MAML3: variants seen among roughly 807,000 people sequenced by gnomAD.
The protein encoded by MAML3 is mastermind like transcriptional coactivator 3.
MAML3 carries 27 observed loss-of-function variants against 101.9 expected under a neutral mutation model. The ratio of observed to expected loss-of-function variants is 0.27; its 90% confidence interval spans 0.20 to 0.37. The LOEUF is 0.37. Ranked by LOEUF, MAML3 falls within the 10% of genes least tolerant of loss-of-function variation. The pLI, the probability that MAML3 is intolerant of heterozygous loss-of-function variation, is 1.00. For missense variants in MAML3, 1,316 were observed against 1,444.9 expected (o/e 0.91, Z 1.45); for synonymous variants, 501 against 555.9 (o/e 0.90, Z 1.39).
At chr4:140,041,565 G>A (rs1727087380) in intron 1 of MAML3, among the ~76,000 whole-genome samples, 1 of 152,146 alleles carries the variant, frequency 6.6e-6, no homozygotes, top group South Asian at 2.1e-4. Context: ...AGGTTGCAGT[G>A]AGCCGAGATC....
rs72712524 is a variant in MAML3, at chr4:139,912,199, G to A, written c.469-21232C>T. On this transcript the variant is annotated intron_variant, in intron 1 of 4. Transcript: ENST00000509479. Reference sequence around the variant, plus strand: ...GCTTGTTTTTGAGACAATGAGGAAGGGCATATCAATGCCATCAGAAGAGTG... The same window carrying A: ...GCTTGTTTTTGAGACAATGAGGAAGAGCATATCAATGCCATCAGAAGAGTG... 5.9e-5 allele frequency among the ~76,000 whole-genome samples: 9 copies of A among 152,192 alleles called. No homozygotes were observed. The East Asian group carries it at 1.4e-3, about 23-fold the overall frequency.
intron 1 of MAML3, among the ~76,000 whole-genome samples, chr4:140,040,920 A>G (rs1727075960): frequency 6.6e-6 from 1 of 152,130 alleles, no homozygotes. Context: ...CCCTGAGAGA[A>G]CAGAACTACA....
chr4:139,947,992 T>A (rs562599034), intron 1 of MAML3, among the ~76,000 whole-genome samples: 1 of 152,092 alleles, frequency 6.6e-6, no homozygotes, highest in Admixed American at 6.5e-5. Context: ...TCTCAGCTAC[T>A]CGGGAGGCTG....
chr4:140,130,005 T>C (rs541150940), intron 1 of MAML3, among the ~76,000 whole-genome samples: 1 of 152,076 alleles, frequency 6.6e-6, no homozygotes, highest in South Asian at 2.1e-4. Flanking sequence ...AACCTAATAT[T>C]TGTTACTATT....
At chr4:139,732,433 A>G (rs979786947) in intron 2 of MAML3, among the ~76,000 whole-genome samples, 2 of 152,176 alleles carry the variant, frequency 1.3e-5, no homozygotes, top group African/African-American at 2.4e-5. Flanking sequence ...AAAACAGCAA[A>G]GCAAACAAAA....
At position 139,943,864 on chromosome 4, in the gene MAML3, C is replaced by CTTTTTTTTTTTT. The variant is rs10644498; in HGVS notation, c.469-52909_469-52898dup. Among the ~76,000 whole-genome samples, 21 of 65,864 alleles carry CTTTTTTTTTTTT rather than the reference C, an allele frequency of 3.2e-4. 2 individuals are homozygous for CTTTTTTTTTTTT. The highest frequency in any genetic ancestry group is 9.4e-4 in the African/African-American group (16 of 17,084). The allele number at this position is 65,864 out of a possible 152,430, so 43.2% of individuals were successfully genotyped here. A position where few individuals can be genotyped will look rare whatever the true frequency, so the allele number is the denominator to read the frequency against. On this transcript the variant is annotated intron_variant, in intron 1 of 4. Transcript: ENST00000509479. Reference sequence around the variant, plus strand: ...GGTTGGGTTGTGGGCCTAAAGACAACTTTTTTTTTTTTTTTTTTTTTTTTG... The same window carrying CTTTTTTTTTTTT: ...GGTTGGGTTGTGGGCCTAAAGACAACTTTTTTTTTTTTTTTTTTTTTTTTTTTTTTTTTTTTG...
intron 1 of MAML3, among the ~76,000 whole-genome samples, chr4:140,076,096 G>A (rs1268844409): frequency 1.3e-5 from 2 of 151,944 alleles, no homozygotes; most frequent in Admixed American, 1.3e-4. Flanking sequence ...TAAACACCTG[G>A]CCTCAAGTGA....
intron 2 of MAML3, among the ~76,000 whole-genome samples, chr4:139,783,381 A>G (rs1251733869): frequency 6.6e-6 from 1 of 152,180 alleles, no homozygotes; most frequent in East Asian, 1.9e-4. Context: ...GTGTCTACAC[A>G]TCATTCATGT....
intron 1 of MAML3, among the ~76,000 whole-genome samples, chr4:140,048,171 C>A (rs1481351565): frequency 1.3e-5 from 2 of 152,000 alleles, no homozygotes; most frequent in African/African-American, 4.8e-5. Flanking sequence ...ATTTCTGGCC[C>A]AATAGTAGGG....
At position 140,152,804 on chromosome 4, in the gene MAML3, C is replaced by G. The variant is rs887351436; in HGVS notation, c.468+56G>C. On this transcript the variant is annotated intron_variant, in intron 1 of 4. Coordinates refer to ENST00000509479, the MANE Select transcript of MAML3 (RefSeq NM_018717.5). ...CATGTAAGAAGCTCCACGCGCCCCCCACCACCACCACCACCCCCAACGCGC... is the reference window on the plus strand; with the variant it reads ...CATGTAAGAAGCTCCACGCGCCCCCGACCACCACCACCACCCCCAACGCGC... 2.3e-4 allele frequency: 355 copies of G among 1,546,058 alleles called. 3 individuals carry two copies. The highest frequency in any genetic ancestry group is 2.6e-4 in the Non-Finnish European group (301 of 1,143,574).
At chr4:140,123,480 G>T (rs2111029003) in intron 1 of MAML3, among the ~76,000 whole-genome samples, 1 of 151,812 alleles carries the variant, frequency 6.6e-6, no homozygotes, top group Middle Eastern at 3.4e-3. Context: ...TGTCAAGGTG[G>T]GTGAACTTCT....
chr4:140,074,503 C>A (rs933744481), intron 1 of MAML3, among the ~76,000 whole-genome samples: 17 of 152,092 alleles, frequency 1.1e-4, no homozygotes, highest in East Asian at 5.8e-4. Flanking sequence ...TTGTGAGTGC[C>A]AACATGATGC....
At chr4:140,105,748 A>G (rs1728340016) in intron 1 of MAML3, among the ~76,000 whole-genome samples, 1 of 152,194 alleles carries the variant, frequency 6.6e-6, no homozygotes. Flanking sequence ...CCTCTTCCCC[A>G]GTCTGGTCAA....
chr4:139,778,509 A>T (rs77203278), intron 2 of MAML3, among the ~76,000 whole-genome samples: 2,550 of 152,366 alleles, frequency 0.017, 67 homozygotes, highest in African/African-American at 0.058. Flanking sequence ...AAGATCTGCT[A>T]TCTCACTTGA....
chr4:139,756,716 T>A (rs3796632), intron 2 of MAML3, among the ~76,000 whole-genome samples: 1 of 152,168 alleles, frequency 6.6e-6, no homozygotes, highest in African/African-American at 2.4e-5. Context: ...TTGCTCTGAA[T>A]TGAGTTAATG....
chr4:139,727,000 C>A (rs1328039314), intron 3 of MAML3, among the ~76,000 whole-genome samples: 1 of 152,224 alleles, frequency 6.6e-6, no homozygotes, highest in East Asian at 1.9e-4. Flanking sequence ...CACCTTTCAT[C>A]TGCAAGGGCT....
chr4:139,884,804 A>G (rs1184711109), intron 2 of MAML3, among the ~76,000 whole-genome samples: 1 of 152,224 alleles, frequency 6.6e-6, no homozygotes, highest in African/African-American at 2.4e-5. Context: ...GCTGATAATC[A>G]ACTGTAATCA....
At chr4:140,137,105 C>A (rs1728902536) in intron 1 of MAML3, among the ~76,000 whole-genome samples, 2 of 152,262 alleles carry the variant, frequency 1.3e-5, no homozygotes, top group African/African-American at 4.8e-5. Context: ...TCTCCTGCCT[C>A]AGCCTCCTGA....
At chr4:140,101,566 T>TGGCTTTTA (rs1728252579) in intron 1 of MAML3, among the ~76,000 whole-genome samples, 2 of 152,316 alleles carry the variant, frequency 1.3e-5, no homozygotes, top group South Asian at 4.1e-4. Context: ...CAGGAGACCC[T>TGGCTTTTA]CCATTTCAGT....
Sources: gnomAD v4.1 joint callset for allele counts (sites outside exome capture counted in the v4.1 genomes callset) on GRCh38, gnomAD v4.1.1 for gene constraint, MANE v1.5 for transcripts, NCBI Gene and HGNC (gene_info 2026-07-23, HGNC 2026-07-21) for gene names.